LTBP1: variants seen among roughly 807,000 people sequenced by gnomAD.
LTBP1 encodes the protein latent transforming growth factor beta binding protein 1, also known as latent-transforming growth factor beta-binding protein 1.
LTBP1 carries 129 observed loss-of-function variants against 207.6 expected under a neutral mutation model. That is an observed-to-expected ratio of 0.62 (90% CI 0.54 to 0.72). The LOEUF is 0.72. LTBP1 is among the 30% of genes least tolerant of loss of function. LTBP1 has a pLI of 0.00. For synonymous variants in LTBP1, 963 were observed against 833.7 expected, an observed-to-expected ratio of 1.16 and a Z score of -2.67; for missense variants, 2,281 against 2,217.2, an observed-to-expected ratio of 1.03 and a Z score of -0.58.
chr2:33,010,650 A>G (rs1687555346), intron 2 of LTBP1, among the ~76,000 whole-genome samples: 1 of 151,902 alleles, frequency 6.6e-6, no homozygotes, highest in Non-Finnish European at 1.5e-5. Context: ...ATGTACAAAT[A>G]TTATGTATCA....
At chr2:33,049,323 T>G (rs1002728105) in intron 3 of LTBP1, among the ~76,000 whole-genome samples, 2 of 152,244 alleles carry the variant, frequency 1.3e-5, no homozygotes, top group South Asian at 4.1e-4. Flanking sequence ...GGAAAGTTAC[T>G]AATTTTAGCC....
chr2:33,243,110 G>A (rs1034699856), intron 9 of LTBP1, among the ~76,000 whole-genome samples: 1 of 152,042 alleles, frequency 6.6e-6, no homozygotes, highest in Non-Finnish European at 1.5e-5. Flanking sequence ...TCCAGCTCCT[G>A]CCCAGACATC....
chr2:32,977,798 CTG>C (rs1486393455), intron 2 of LTBP1, among the ~76,000 whole-genome samples: 1 of 152,196 alleles, frequency 6.6e-6, no homozygotes, highest in Admixed American at 6.5e-5. Context: ...TCTTTGCTCT[CTG>C]TGTCCCCTTG....
intron 26 of LTBP1, among the ~76,000 whole-genome samples, chr2:33,348,647 C>T (rs924337298): frequency 2.0e-5 from 3 of 152,128 alleles, no homozygotes; most frequent in Non-Finnish European, 2.9e-5. Flanking sequence ...TAGCACCTCA[C>T]CTATAGTGTT....
intron 20 of LTBP1, among the ~76,000 whole-genome samples, chr2:33,298,068 C>T (rs1255838130): frequency 1.3e-5 from 2 of 152,260 alleles, no homozygotes; most frequent in East Asian, 3.9e-4. Flanking sequence ...ATTCACATGT[C>T]GGGGGTGTGT....
At chr2:33,298,158 GCTATC>G (rs1005653913) in intron 20 of LTBP1, among the ~76,000 whole-genome samples, 7 of 152,170 alleles carry the variant, frequency 4.6e-5, no homozygotes, top group African/African-American at 1.7e-4. Context: ...GCTCAGAAAT[GCTATC>G]CCTCATTAGA....
chr2:33,231,581 A>T (rs1204147874), intron 9 of LTBP1, among the ~76,000 whole-genome samples: 3 of 152,196 alleles, frequency 2.0e-5, no homozygotes, highest in African/African-American at 7.2e-5. Context: ...CTGAGTGTGA[A>T]CTGCAGTACT....
chr2:33,256,805 A>G (rs924733283), intron 11 of LTBP1, among the ~76,000 whole-genome samples: 6 of 113,656 alleles, frequency 5.3e-5, no homozygotes, highest in African/African-American at 2.0e-4. Flanking sequence ...ATGGTTATGC[A>G]TCAGTGGATT....
intron 3 of LTBP1, among the ~76,000 whole-genome samples, chr2:33,029,303 C>G (rs219209): frequency 6.6e-6 from 1 of 151,778 alleles, no homozygotes; most frequent in African/African-American, 2.4e-5. Flanking sequence ...ATGGTGAAAC[C>G]CCGTCTCTAC....
At chr2:33,106,449 A>G (rs1356683889) in intron 3 of LTBP1, among the ~76,000 whole-genome samples, 2 of 152,222 alleles carry the variant, frequency 1.3e-5, no homozygotes, top group African/African-American at 4.8e-5. Context: ...TTTCTTAGAT[A>G]GGAAGACTTG....
intron 3 of LTBP1, among the ~76,000 whole-genome samples, chr2:33,060,970 C>G (rs2077243870): frequency 6.6e-6 from 1 of 151,890 alleles, no homozygotes; most frequent in African/African-American, 2.4e-5. Flanking sequence ...CATGTATTTG[C>G]TTATATCAGA....
In LTBP1 at chr2:33,051,405, A is replaced by G. The variant is rs550942601; in HGVS notation, c.863+30199A>G. ...TAACTCCAACCTGGGTTTCAGAGCA[A>G]GATCGTGTTTCTAAAATAAGAAAAA... On this transcript the variant is annotated intron_variant, in intron 3 of 33. Coordinates refer to ENST00000404816, the MANE Select transcript of LTBP1 (RefSeq NM_206943.4). Among the ~76,000 whole-genome samples the G allele has an allele frequency of 5.9e-5, 9 of 152,234 alleles. No individual in the cohort carries two copies. In the East Asian group the frequency reaches 1.7e-3, roughly 29 times the overall value.
intron 9 of LTBP1, among the ~76,000 whole-genome samples, chr2:33,227,136 G>C (rs2091486595): frequency 6.6e-6 from 1 of 151,742 alleles, no homozygotes; most frequent in Non-Finnish European, 1.5e-5. Flanking sequence ...CCTGGGTTCA[G>C]GTGATTCTCC....
At chr2:32,980,039 CTT>C (rs1301206706) in intron 2 of LTBP1, among the ~76,000 whole-genome samples, 2 of 151,924 alleles carry the variant, frequency 1.3e-5, no homozygotes, top group African/African-American at 2.4e-5. Flanking sequence ...TTTTCCATCT[CTT>C]TATTTTCAGT....
intron 2 of LTBP1, among the ~76,000 whole-genome samples, chr2:33,009,184 C>T (rs988238594): frequency 7.9e-5 from 12 of 151,882 alleles, no homozygotes; most frequent in African/African-American, 2.7e-4. Flanking sequence ...GAAGGGTTTG[C>T]GGGGAGGTGG....
chr2:33,315,332 T>G, intron 24 of LTBP1, 63 bp downstream of exon 24: 1 of 1,595,252 alleles, frequency 6.3e-7, no homozygotes, highest in Non-Finnish European at 8.5e-7. Context: ...TTGCTTTCAC[T>G]TATACAAAGA....
chr2:33,085,827 T>C (rs219104), intron 3 of LTBP1, among the ~76,000 whole-genome samples: 133,194 of 152,144 alleles, frequency 0.88, 60,830 homozygotes, highest in East Asian at 1. Context: ...GTTGTATGGA[T>C]GTGGTTTGGC....
intron 33 of LTBP1, among the ~76,000 whole-genome samples, chr2:33,397,560 T>G (rs1281865864): frequency 7.4e-6 from 1 of 134,376 alleles, no homozygotes. Context: ...CAGGCTGGAG[T>G]GCAGTGGGGT....
chr2:33,368,746 A>G (rs1425953723), intron 31 of LTBP1, among the ~76,000 whole-genome samples: 1 of 152,172 alleles, frequency 6.6e-6, no homozygotes, highest in Non-Finnish European at 1.5e-5. Context: ...GCGTGGTGGT[A>G]CACACCTGTA....
Sources: gnomAD v4.1 joint callset for allele counts (sites outside exome capture counted in the v4.1 genomes callset) on GRCh38, gnomAD v4.1.1 for gene constraint, MANE v1.5 for transcripts, NCBI Gene and HGNC (gene_info 2026-07-23, HGNC 2026-07-21) for gene names.